The following PTGER2 variants were observed in gnomAD, a reference collection of about 807,000 sequenced individuals.
The protein encoded by PTGER2 is prostaglandin E2 receptor EP2 subtype.
A neutral mutation model predicts 26.2 loss-of-function variants in PTGER2; 22 were observed. The observed-to-expected ratio is 0.84, with a 90% CI of 0.60 to 1.20. The LOEUF (loss-of-function observed/expected upper bound fraction) is 1.20. Ranked by LOEUF, PTGER2 falls within the 50% of genes most tolerant of loss-of-function variation. The pLI is 0.00. For synonymous variants in PTGER2, 219 were observed against 208.9 expected (o/e 1.05, Z -0.42); for missense variants, 458 against 475.2 (o/e 0.96, Z 0.34).
At chr14:52,318,338 G>A (rs1261417494) in intron 1 of PTGER2, among the ~76,000 whole-genome samples, 3 of 151,786 alleles carry the variant, frequency 2.0e-5, no homozygotes, top group African/African-American at 2.4e-5. Flanking sequence ...AGCCACAAAC[G>A]GAATTTTAAA....
chr14:52,315,013 C>T lies in PTGER2; in HGVS notation c.465C>T (p.Ala155=), dbSNP rs768595985. Residue 155 remains alanine, a synonymous_variant, in exon 1 of 2, where the codon GCC becomes GCT. Transcript: ENST00000245457. ...GCGTCTCGCGCTCCGGGGGCCTGGC[C>T]GTGCTGCCTGTCATCTATGCAGTCT... ...QRRVSRSGGL[A]VLPVIYAVSL... 3 of 1,613,402 alleles carry T rather than the reference C, an allele frequency of 1.9e-6. No individual in the cohort carries two copies. Among genetic ancestry groups the T allele is most frequent in the South Asian group, 1.1e-5 (1 of 91,066 alleles).
Position 52,314,391 on chromosome 14 carries a change from G to A in PTGER2, c.-158G>A, listed in dbSNP as rs2033809180. On this transcript the variant is annotated 5_prime_UTR_variant, in exon 1 of 2. Coordinates refer to ENST00000245457, the MANE Select transcript of PTGER2 (RefSeq NM_000956.4). This position sits in a 1 kb window ranked among gnomAD's most constrained non-coding sequence, Gnocchi z 5.7. ...CTCGGCGCGCGGCGGGAGACCCAGG[G>A]CAAGCCGCCGTCGGCGCGCTGGGTG... The A allele has an allele frequency of 3.3e-6, 3 of 902,740 alleles. No homozygotes were observed. Among genetic ancestry groups the A allele is most frequent in the Non-Finnish European group, 4.4e-6 (3 of 683,988 alleles). The allele number at this position is 902,740 out of a possible 1,614,324, so 55.9% of individuals were successfully genotyped here.
chr14:52,319,001 A>T (rs1231408577), intron 1 of PTGER2, among the ~76,000 whole-genome samples: 1 of 152,208 alleles, frequency 6.6e-6, no homozygotes, highest in Non-Finnish European at 1.5e-5. Flanking sequence ...TCCCACAGCT[A>T]ATGGGTGGTG....
At chr14:52,322,680 G>A (rs2033908375) in intron 1 of PTGER2, among the ~76,000 whole-genome samples, 1 of 152,120 alleles carries the variant, frequency 6.6e-6, no homozygotes, top group Non-Finnish European at 1.5e-5. Context: ...GCATAAGACA[G>A]ACACTCCCAG....
chr14:52,322,576 A>T (rs1337602241), intron 1 of PTGER2, among the ~76,000 whole-genome samples: 1 of 152,118 alleles, frequency 6.6e-6, no homozygotes, highest in East Asian at 1.9e-4. Flanking sequence ...AACCAGTCTG[A>T]CCTCAAATTA....
intron 1 of PTGER2, among the ~76,000 whole-genome samples, chr14:52,318,666 T>A (rs761579162): frequency 6.6e-6 from 1 of 152,134 alleles, no homozygotes; most frequent in East Asian, 1.9e-4. Context: ...ACTCCAGTAG[T>A]GGACAGAGGA....
chr14:52,314,849 G>A lies in PTGER2; in HGVS notation c.301G>A (p.Ala101Thr), dbSNP rs1369347714. 14 of 1,612,984 alleles carry A rather than the reference G, an allele frequency of 8.7e-6. No individual in the cohort carries two copies. Among genetic ancestry groups the A allele is most frequent in the Non-Finnish European group, 1.2e-5 (14 of 1,179,988 alleles). The change falls in exon 1 of 2, where the codon GCA (alanine) becomes ACA (threonine). Residue 101 changes from alanine to threonine, a missense_variant. Coordinates refer to ENST00000245457, the MANE Select transcript of PTGER2 (RefSeq NM_000956.4). The surrounding 1 kb of genome is among the most constrained non-coding windows in gnomAD (Gnocchi z 5.7). The part of the protein sequence containing the change: ...ASYARNQTLV[A>T]LAPESRACTY... The stretch of plus-strand genomic sequence containing the variant: ...GTACGCGCGGAACCAGACCCTGGTG[G>A]CACTGGCGCCCGAGAGCCGCGCGTG...
chr14:52,316,685 A>G (rs1295211447), intron 1 of PTGER2, among the ~76,000 whole-genome samples: 4 of 152,160 alleles, frequency 2.6e-5, no homozygotes, highest in Non-Finnish European at 5.9e-5. Context: ...CAGGGTCCCA[A>G]AGGTCTGAAT....
chr14:52,316,119 C>T (rs1015729567), intron 1 of PTGER2, among the ~76,000 whole-genome samples: 1 of 152,112 alleles, frequency 6.6e-6, no homozygotes, highest in African/African-American at 2.4e-5. Context: ...TTGCAAAACA[C>T]GCTCTTAATG....
At position 52,315,342 on chromosome 14, in the gene PTGER2, T is replaced by C. The variant is rs747618794; in HGVS notation, c.794T>C (p.Leu265Pro). 1 of 1,613,366 alleles carries C rather than the reference T, an allele frequency of 6.2e-7. No individual in the cohort carries two copies. The highest frequency in any genetic ancestry group is 8.5e-7 in the Non-Finnish European group (1 of 1,179,908). The stretch of plus-strand genomic sequence containing the variant: ...GCGGAGGAGACGGACCACCTCATTC[T>C]CCTGGCTATCATGACCATCACCTTC... Reference protein sequence around the residue: ...SMAEETDHLILLAIMTITFAV... With the variant: ...SMAEETDHLIPLAIMTITFAV... The change falls in exon 1 of 2, where the codon CTC becomes CCC. Residue 265 changes from leucine (L) to proline (P), a missense_variant. Leu to Pro is a moderately conservative substitution (Grantham distance 98). Coordinates refer to ENST00000245457, the MANE Select transcript of PTGER2 (RefSeq NM_000956.4).
chr14:52,317,687 C>T (rs1327794995), intron 1 of PTGER2, among the ~76,000 whole-genome samples: 1 of 152,122 alleles, frequency 6.6e-6, no homozygotes, highest in Non-Finnish European at 1.5e-5. Context: ...TTAGCTCCCC[C>T]AAACCACCTC....
rs569229406 is a variant in PTGER2, at chr14:52,324,092, T to C, written c.844-3129T>C. Among the ~76,000 whole-genome samples, 32 of 152,348 alleles carry C rather than the reference T, an allele frequency of 2.1e-4. No individual in the cohort carries two copies. The East Asian group carries it at 6.0e-3, about 28-fold the overall frequency. The stretch of plus-strand genomic sequence containing the variant: ...TTTCAATTTGGGATGATGAAAATAA[T>C]TCTGGAGATGGTAGTGATGGTTGCT... On this transcript the variant is annotated intron_variant, in intron 1 of 1. Coordinates refer to ENST00000245457, the MANE Select transcript of PTGER2 (RefSeq NM_000956.4).
Position 52,327,668 on chromosome 14 carries a change from C to G in PTGER2, c.*214C>G. 2.0e-6 allele frequency: 1 copy of G among 493,408 alleles called. No homozygotes were observed. Among genetic ancestry groups the G allele is most frequent in the Non-Finnish European group, 3.6e-6 (1 of 279,326 alleles). 30.6% of individuals were successfully genotyped at this position (493,408 alleles called of 1,614,324 possible). On this transcript the variant is annotated 3_prime_UTR_variant, in exon 2 of 2. Transcript: ENST00000245457. Reference sequence around the variant, plus strand: ...AGCTACAAAACCTACCCTCAGTGAGCATGGTACTTGGCCTTTGGAGGAACA... The same window carrying G: ...AGCTACAAAACCTACCCTCAGTGAGGATGGTACTTGGCCTTTGGAGGAACA...
At chr14:52,322,508 T>C (rs1178351220) in intron 1 of PTGER2, among the ~76,000 whole-genome samples, 2 of 152,162 alleles carry the variant, frequency 1.3e-5, no homozygotes, top group Non-Finnish European at 2.9e-5. Flanking sequence ...TGTTCAGTGG[T>C]GCACGTATTG....
chr14:52,323,276 C>CAGAG (rs965473812), intron 1 of PTGER2, among the ~76,000 whole-genome samples: 83 of 95,944 alleles, frequency 8.7e-4, no homozygotes, highest in African/African-American at 2.5e-3. Context: ...TATTTTGAGA[C>CAGAG]AGAGACTCAC....
intron 1 of PTGER2, among the ~76,000 whole-genome samples, chr14:52,326,517 T>C (rs2033952583): frequency 6.6e-6 from 1 of 152,188 alleles, no homozygotes; most frequent in Admixed American, 6.5e-5. Context: ...ATGTTATTAT[T>C]ATCACCCATT....
chr14:52,322,613 T>C (rs2033907507), intron 1 of PTGER2, among the ~76,000 whole-genome samples: 1 of 152,092 alleles, frequency 6.6e-6, no homozygotes, highest in Admixed American at 6.5e-5. Context: ...TTCCCCACCC[T>C]AGTAAGCCTG....
chr14:52,316,037 A>T (rs2033837409), intron 1 of PTGER2, among the ~76,000 whole-genome samples: 1 of 152,264 alleles, frequency 6.6e-6, no homozygotes, highest in African/African-American at 2.4e-5. Flanking sequence ...TGTGGCCATG[A>T]AAGTTTATAA....
Position 52,314,864 on chromosome 14 carries a change from A to AGCC in PTGER2, c.319_321dup (p.Arg107dup). ...GACCCTGGTGGCACTGGCGCCCGAG[A>AGCC]GCCGCGCGTGCACCTACTTCGCTTT... is the stretch of plus-strand genomic sequence containing the variant. On this transcript the variant is annotated inframe_insertion, in exon 1 of 2. Coordinates refer to ENST00000245457, the MANE Select transcript of PTGER2 (RefSeq NM_000956.4). This position sits in a 1 kb window ranked among gnomAD's most constrained non-coding sequence, Gnocchi z 5.7. The AGCC allele has an allele frequency of 6.2e-7, 1 of 1,613,040 alleles. No homozygotes were observed. The highest frequency in any genetic ancestry group is 1.3e-5 in the African/African-American group (1 of 75,044).
Sources: gnomAD v4.1 joint callset for allele counts (sites outside exome capture counted in the v4.1 genomes callset) on GRCh38, gnomAD v4.1.1 for gene constraint, Gnocchi (gnomAD v3.1) non-coding constraint, MANE v1.5 for transcripts, NCBI Gene and HGNC (gene_info 2026-07-23, HGNC 2026-07-21) for gene names.